The following ZNF208 variants were observed in gnomAD, a reference collection of about 807,000 sequenced individuals.
ZNF208 encodes the protein zinc finger protein 95.
In ZNF208, 10 loss-of-function variants were observed where a neutral mutation model predicts 12.1. That is an observed-to-expected ratio of 0.83 (90% CI 0.51 to 1.40). The LOEUF is 1.40. ZNF208 is among the 40% of genes most tolerant of loss of function. The pLI is 0.00. For synonymous variants in ZNF208, 497 were observed against 488.4 expected (o/e 1.02, Z -0.23); for missense variants, 1,652 against 1,485.0 (o/e 1.11, Z -1.85).
At chr19:21,982,147 GGAGATC>G (rs528755429) in intron 3 of ZNF208, among the ~76,000 whole-genome samples, 82 of 152,022 alleles carry the variant, frequency 5.4e-4, no homozygotes, top group Non-Finnish European at 1.0e-3. Context: ...CATGAGGTCA[GGAGATC>G]GAGATCATCC....
downstream of ZNF208, among the ~76,000 whole-genome samples, chr19:21,964,582 A>C (rs1254486154): frequency 1.3e-5 from 2 of 151,792 alleles, no homozygotes; most frequent in Non-Finnish European, 1.5e-5. Flanking sequence ...GCATTTAACC[A>C]AATACTTTGG....
intron 4 of ZNF208, among the ~76,000 whole-genome samples, chr19:21,945,553 T>TA (rs1969803406): frequency 6.6e-6 from 1 of 152,228 alleles, no homozygotes; most frequent in African/African-American, 2.4e-5. Context: ...TAATTTATCA[T>TA]AAAAGCATGT....
chr19:21,978,949 G>A (rs537265776), intron 3 of ZNF208, among the ~76,000 whole-genome samples: 1 of 152,254 alleles, frequency 6.6e-6, no homozygotes, highest in East Asian at 1.9e-4. Flanking sequence ...GTCAACAGCT[G>A]AATCGATAAA....
chr19:22,009,698 G>C (rs144485489), intron 1 of ZNF208: 73 of 147,688 alleles, frequency 4.9e-4, no homozygotes, highest in African/African-American at 1.7e-3. Context: ...AGTGAGCCCA[G>C]ATGGCGCCAC....
chr19:21,948,411 A>G (rs1969844330), intron 4 of ZNF208, among the ~76,000 whole-genome samples: 1 of 152,140 alleles, frequency 6.6e-6, no homozygotes, highest in Non-Finnish European at 1.5e-5. Context: ...ACAAAATATA[A>G]TTACCAAAAG....
At chr19:21,964,528 CAA>C (rs1970131397), downstream of ZNF208, among the ~76,000 whole-genome samples, 1 of 151,592 alleles carries the variant, frequency 6.6e-6, no homozygotes, top group Non-Finnish European at 1.5e-5. Flanking sequence ...AAACAAAAAA[CAA>C]TATGCCTTCT....
At chr19:21,955,527 C>T (rs1041306156) in intron 4 of ZNF208, among the ~76,000 whole-genome samples, 1 of 152,166 alleles carries the variant, frequency 6.6e-6, no homozygotes, top group Admixed American at 6.5e-5. Context: ...TTGTTCATTT[C>T]TTTTTACTCT....
At chr19:21,962,452 A>G (rs1970088902), downstream of ZNF208, among the ~76,000 whole-genome samples, 1 of 152,152 alleles carries the variant, frequency 6.6e-6, no homozygotes, top group African/African-American at 2.4e-5. Flanking sequence ...TTTTTAAAAA[A>G]TTAAGTCTTT....
intron 1 of ZNF208, among the ~76,000 whole-genome samples, chr19:21,994,948 TC>T (rs1970803958): frequency 8.0e-6 from 1 of 124,900 alleles, no homozygotes; most frequent in Non-Finnish European, 1.9e-5. Flanking sequence ...TATCTGTTTT[TC>T]TTTTCTTTTT....
rs1012780346 is a variant in ZNF208 at position 21,974,738 on chromosome 19, A to G, written c.296T>C (p.Ile99Thr). 6.2e-7 allele frequency: 1 copy of G among 1,611,824 alleles called. No homozygotes were observed. Among genetic ancestry groups the G allele is most frequent in the East Asian group, 2.2e-5 (1 of 44,800 alleles). ...TCCACATTTTTCATACCTTCTCAAT[A>G]TCACTTTTTGGAAAGAATCTTCTAT... ...QGIEDSFQKV[I>T]LRRYEKCGHE... is the part of the protein sequence containing the mutation. The change falls in exon 4 of 4, where the codon ATA becomes ACA. Residue 99 changes from isoleucine to threonine, a missense_variant. By Grantham distance (89) the Ile-to-Thr change is moderately conservative (BLOSUM62 -1). Coordinates refer to ENST00000397126, the MANE Select transcript of ZNF208 (RefSeq NM_007153.3).
At chr19:21,978,235 C>T (rs182413116) in intron 3 of ZNF208, among the ~76,000 whole-genome samples, 104 of 152,332 alleles carry the variant, frequency 6.8e-4, no homozygotes, top group African/African-American at 2.3e-3. Flanking sequence ...AAGGGTCAGA[C>T]TGCCACCTCA....
chr19:21,994,000 GAT>G (rs1970785632), intron 1 of ZNF208, among the ~76,000 whole-genome samples: 1 of 152,138 alleles, frequency 6.6e-6, no homozygotes, highest in South Asian at 2.1e-4. Flanking sequence ...CCTTTCAGTT[GAT>G]ACTAAGTGTT....
chr19:21,969,780 T>A lies in ZNF208; in HGVS notation c.*1411A>T, dbSNP rs1970245482. Among the ~76,000 whole-genome samples, 1 of 152,166 alleles carries A rather than the reference T, an allele frequency of 6.6e-6. No homozygotes were observed. The highest frequency in any genetic ancestry group is 2.4e-5 in the African/African-American group (1 of 41,460). On this transcript the variant is annotated 3_prime_UTR_variant, in exon 4 of 4. Coordinates refer to ENST00000397126, the MANE Select transcript of ZNF208 (RefSeq NM_007153.3). Reference sequence around the variant, plus strand: ...TAATGTGTTTCCTCAAAATAAATATTCTTCTGTACTTTAACAGCTTTTATT... The same window carrying A: ...TAATGTGTTTCCTCAAAATAAATATACTTCTGTACTTTAACAGCTTTTATT...
rs1378273999 is a variant in ZNF208, at chr19:21,957,885, G to A, written c.305+16844C>T. On this transcript the variant is annotated intron_variant, in intron 4 of 4. Coordinates refer to the ZNF208 transcript ENST00000599916. ...GTTTTAGGGTACCTGTGCACAATGT[G>A]CAGGTTAGTTACATATGTATACATG... 2.0e-5 allele frequency among the ~76,000 whole-genome samples: 3 copies of A among 151,734 alleles called. No homozygotes were observed. In the South Asian group the frequency reaches 6.2e-4, roughly 32 times the overall value.
intron 4 of ZNF208, among the ~76,000 whole-genome samples, chr19:21,946,991 C>G (rs1338752744): frequency 6.7e-6 from 1 of 149,332 alleles, no homozygotes. Context: ...TTTTTTGGTA[C>G]CTATAATTTC....
chr19:21,963,333 T>C (rs551437336), downstream of ZNF208, among the ~76,000 whole-genome samples: 10 of 152,246 alleles, frequency 6.6e-5, no homozygotes, highest in South Asian at 2.1e-3. Context: ...GAAATTTTTA[T>C]GAATCTAAAT....
chr19:21,979,816 T>C (rs56408994), intron 3 of ZNF208, among the ~76,000 whole-genome samples: 29,760 of 152,136 alleles, frequency 0.2, 3,414 homozygotes, highest in African/African-American at 0.31. Context: ...ATCAAAGTGC[T>C]GTATTCAGGA....
intron 3 of ZNF208, among the ~76,000 whole-genome samples, chr19:21,978,077 G>A (rs571776158): frequency 2.8e-4 from 42 of 152,268 alleles, no homozygotes; most frequent in South Asian, 1.2e-3. Context: ...CCACATTCAG[G>A]GGCATATAGA....
chr19:21,957,153 C>T lies in ZNF208; in HGVS notation c.305+17576G>A, dbSNP rs140505317. Among the ~76,000 whole-genome samples the T allele has an allele frequency of 9.4e-3, 1,428 of 152,268 alleles. 20 individuals carry two copies. The highest frequency in any genetic ancestry group is 0.032 in the African/African-American group (1,316 of 41,540). On this transcript the variant is annotated intron_variant, in intron 4 of 4. Coordinates refer to the ZNF208 transcript ENST00000599916. ...CTCCCAGGTTCAAGTGATTCTCCTG[C>T]CTCAGCTTCCAGAGTAGCTGGGACT...
Sources: allele counts gnomAD v4.1 joint callset (sites outside exome capture counted in the v4.1 genomes callset), GRCh38; gene constraint gnomAD v4.1.1; transcripts MANE v1.5; gene names NCBI Gene and HGNC (gene_info 2026-07-23, HGNC 2026-07-21).